STXBP5L: variants seen among roughly 807,000 people sequenced by gnomAD.
STXBP5L encodes the protein syntaxin-binding protein 5-like.
Under a neutral mutation model 144.5 loss-of-function variants are expected in STXBP5L, and 65 were observed. The ratio of observed to expected loss-of-function variants is 0.45; its 90% CI spans 0.37 to 0.55. The LOEUF (loss-of-function observed/expected upper bound fraction) is 0.55, where lower values mean the gene tolerates loss of function less well. Among genes scored for constraint, STXBP5L ranks in the 20% least tolerant of loss-of-function variants. STXBP5L has a pLI of 0.00. For missense variants in STXBP5L, 1,298 were observed against 1,405.5 expected (o/e 0.92, Z 1.22); for synonymous variants, 505 against 469.6 (o/e 1.08, Z -0.97).
intron 23 of STXBP5L, among the ~76,000 whole-genome samples, chr3:121,408,734 A>G (rs1353493344): frequency 2.0e-5 from 3 of 151,950 alleles, no homozygotes; most frequent in Non-Finnish European, 4.4e-5. Context: ...GTGTTAGGAC[A>G]TACACAGGGA....
chr3:120,989,705 G>A (rs1412213441), intron 3 of STXBP5L, among the ~76,000 whole-genome samples: 2 of 152,094 alleles, frequency 1.3e-5, no homozygotes, highest in Admixed American at 6.6e-5. Context: ...TTGAGGCTGT[G>A]TGGTTTGGTT....
intron 20 of STXBP5L, among the ~76,000 whole-genome samples, chr3:121,364,671 G>C (rs1159236328): frequency 3.3e-5 from 5 of 151,592 alleles, no homozygotes; most frequent in African/African-American, 1.2e-4. Context: ...TCACTTCCTT[G>C]GTTAAATTAA....
In STXBP5L at chr3:121,045,610, C is replaced by G. The variant is rs147400496; in HGVS notation, c.470+75C>G. 55 of 1,316,164 alleles carry G rather than the reference C, an allele frequency of 4.2e-5. No individual in the cohort carries two copies. In the African/African-American group the frequency reaches 7.7e-4, roughly 18 times the overall value. The allele number at this position is 1,316,164 out of a possible 1,614,324, so 81.5% of individuals were successfully genotyped here. ...CCTGAGCAAGTTTTTGTTAACTTGACAGGCTTTTTTCCTCATAATCTCAAC... is the reference window on the plus strand; with the variant it reads ...CCTGAGCAAGTTTTTGTTAACTTGAGAGGCTTTTTTCCTCATAATCTCAAC... On this transcript the variant is annotated intron_variant, in intron 5 of 26. Coordinates refer to ENST00000471454, the MANE Select transcript of STXBP5L (RefSeq NM_001308330.2).
At chr3:121,128,991 A>G (rs1235495715) in intron 7 of STXBP5L, among the ~76,000 whole-genome samples, 2 of 152,076 alleles carry the variant, frequency 1.3e-5, no homozygotes, top group East Asian at 3.8e-4. Flanking sequence ...AGTTTTCAGG[A>G]CTGTTAGATA....
intron 1 of STXBP5L, 147 bp from the exon 2 acceptor site, chr3:120,909,424 C>G: frequency 7.4e-6 from 5 of 678,602 alleles, no homozygotes; most frequent in Non-Finnish European, 4.6e-6. Context: ...CAAAACGAAT[C>G]CTGACTCTTT....
chr3:121,353,553 T>A (rs1560011419), intron 20 of STXBP5L, among the ~76,000 whole-genome samples: 1 of 152,182 alleles, frequency 6.6e-6, no homozygotes, highest in Non-Finnish European at 1.5e-5. Flanking sequence ...TTTTGTTGCA[T>A]CTATTTGATT....
chr3:120,941,288 A>G (rs1710554063), intron 2 of STXBP5L, among the ~76,000 whole-genome samples: 1 of 151,804 alleles, frequency 6.6e-6, no homozygotes, highest in South Asian at 2.1e-4. Flanking sequence ...AGAATAATCT[A>G]CTTTTAATCT....
chr3:121,016,229 A>G (rs997205075), intron 3 of STXBP5L, among the ~76,000 whole-genome samples: 2 of 152,214 alleles, frequency 1.3e-5, no homozygotes, highest in Non-Finnish European at 1.5e-5. Context: ...AAAAAATACA[A>G]TCATCTAAAC....
At chr3:120,978,821 T>G (rs974408721) in intron 3 of STXBP5L, among the ~76,000 whole-genome samples, 3 of 152,328 alleles carry the variant, frequency 2.0e-5, no homozygotes, top group African/African-American at 4.8e-5. Flanking sequence ...CCAGACCCTG[T>G]TTGCCTCGGT....
In STXBP5L at chr3:121,285,622, C is replaced by T. The variant is rs188908639; in HGVS notation, c.2110+5666C>T. ...AATTTTGTAGTTGAAAGAAAACTTTCGTGTTCTACAGATTATGATTTTTAG... is the reference window on the plus strand; with the variant it reads ...AATTTTGTAGTTGAAAGAAAACTTTTGTGTTCTACAGATTATGATTTTTAG... On this transcript the variant is annotated intron_variant, in intron 19 of 26. Transcript: ENST00000471454. 2.0e-3 allele frequency among the ~76,000 whole-genome samples: 307 copies of T among 152,126 alleles called. 2 individuals are homozygous for T. In the Middle Eastern group the frequency reaches 0.027, roughly 13 times the overall value.
intron 5 of STXBP5L, among the ~76,000 whole-genome samples, chr3:121,056,378 CTTA>C (rs1320789745): frequency 9.2e-5 from 14 of 151,912 alleles, no homozygotes; most frequent in South Asian, 6.2e-4. Context: ...ATTATCTGTA[CTTA>C]TTATGTATAT....
chr3:120,944,051 A>G (rs1355157407), intron 2 of STXBP5L, among the ~76,000 whole-genome samples: 2 of 151,648 alleles, frequency 1.3e-5, no homozygotes, highest in African/African-American at 4.8e-5. Flanking sequence ...CCAGGGAACA[A>G]AAACATTTGT....
At chr3:121,005,258 C>CT (rs1429961063) in intron 3 of STXBP5L, among the ~76,000 whole-genome samples, 4 of 152,126 alleles carry the variant, frequency 2.6e-5, no homozygotes, top group African/African-American at 9.7e-5. Context: ...AGATATTCAA[C>CT]TTCTTCCTTA....
intron 10 of STXBP5L, 103 bp from the exon 11 acceptor site, chr3:121,222,900 G>A: frequency 7.5e-7 from 1 of 1,325,790 alleles, no homozygotes. Flanking sequence ...TGTCTGTCAT[G>A]TTATATGGTA....
At chr3:121,361,705 G>A (rs925729826) in intron 20 of STXBP5L, among the ~76,000 whole-genome samples, 9 of 151,162 alleles carry the variant, frequency 6.0e-5, no homozygotes, top group East Asian at 3.9e-4. Context: ...ATGTTATCTC[G>A]AATTTTTTTT....
At position 121,086,640 on chromosome 3, in the gene STXBP5L, T is replaced by A. The variant is rs75512495; in HGVS notation, c.471-28285T>A. Among the ~76,000 whole-genome samples, 32 of 152,242 alleles carry A rather than the reference T, an allele frequency of 2.1e-4. No individual in the cohort carries two copies. In the East Asian group the frequency reaches 6.2e-3, roughly 29 times the overall value. On this transcript the variant is annotated intron_variant, in intron 5 of 26. Coordinates refer to ENST00000471454, the MANE Select transcript of STXBP5L (RefSeq NM_001308330.2). ...TTGGATTTTAGATTTTTCTGAATAT[T>A]GGAATGTTGAGATTATTCCTACCAG...
intron 5 of STXBP5L, among the ~76,000 whole-genome samples, chr3:121,051,161 C>T (rs1353965942): frequency 3.6e-4 from 54 of 151,460 alleles, no homozygotes; most frequent in Admixed American, 9.2e-4. Context: ...CCACTGTCAA[C>T]ATTAGACAGA....
chr3:121,329,826 C>T (rs1227687661), intron 20 of STXBP5L, among the ~76,000 whole-genome samples: 2 of 152,186 alleles, frequency 1.3e-5, no homozygotes, highest in Non-Finnish European at 2.9e-5. Flanking sequence ...CACCACTGCA[C>T]TCCAGCCTGG....
At chr3:121,114,040 A>G (rs556728672) in intron 5 of STXBP5L, among the ~76,000 whole-genome samples, 1 of 152,120 alleles carries the variant, frequency 6.6e-6, no homozygotes, top group Admixed American at 6.5e-5. Context: ...ATTTTTTTTG[A>G]AAAATTTATT....
Sources: gnomAD v4.1 joint callset for allele counts (sites outside exome capture counted in the v4.1 genomes callset) on GRCh38, gnomAD v4.1.1 for gene constraint, MANE v1.5 for transcripts, NCBI Gene and HGNC (gene_info 2026-07-23, HGNC 2026-07-21) for gene names.